The following SLC24A2 variants were observed in gnomAD, a reference collection of about 807,000 sequenced individuals.
SLC24A2 encodes the protein sodium/potassium/calcium exchanger 2.
Under a neutral mutation model 62.0 loss-of-function variants are expected in SLC24A2, and 36 were observed. The ratio of observed to expected loss-of-function variants is 0.58; its 90% CI spans 0.44 to 0.77. The LOEUF (loss-of-function observed/expected upper bound fraction) is 0.77, where lower values mean the gene tolerates loss of function less well. SLC24A2 is among the 30% of genes least tolerant of loss of function. SLC24A2 has a pLI of 0.00. For missense variants in SLC24A2, 846 were observed against 817.9 expected (o/e 1.03, Z -0.42); for synonymous variants, 358 against 294.0 (o/e 1.22, Z -2.23).
chr9:19,937,107 A>T, the SLC24A2 span, among the ~76,000 whole-genome samples: 1 of 152,192 alleles, frequency 6.6e-6, no homozygotes, highest in African/African-American at 2.4e-5. Context: ...TACCGCATTG[A>T]TTCACACATT....
chr9:20,055,818 T>C, the SLC24A2 span, among the ~76,000 whole-genome samples: 1 of 151,806 alleles, frequency 6.6e-6, no homozygotes, highest in South Asian at 2.1e-4. Context: ...GAACCCAGGA[T>C]GCGGAGGATG....
chr9:19,881,814 C>T, the SLC24A2 span, among the ~76,000 whole-genome samples: 26,177 of 152,138 alleles, frequency 0.17, 2,298 homozygotes, highest in Middle Eastern at 0.3. Context: ...CTAAGGGTGG[C>T]TTCCTCAAAA....
At chr9:19,584,556 C>G (rs1446727980) in intron 5 of SLC24A2, among the ~76,000 whole-genome samples, 4 of 152,094 alleles carry the variant, frequency 2.6e-5, no homozygotes, top group Non-Finnish European at 5.9e-5. Context: ...TTTTATTCTA[C>G]CAACTATCTT....
the SLC24A2 span, among the ~76,000 whole-genome samples, chr9:20,198,131 G>C: frequency 6.6e-6 from 1 of 152,224 alleles, no homozygotes; most frequent in Non-Finnish European, 1.5e-5. Flanking sequence ...CAGGGATTGA[G>C]GGGGTGAGAG....
At chr9:20,081,781 T>C in the SLC24A2 span, among the ~76,000 whole-genome samples, 1 of 152,156 alleles carries the variant, frequency 6.6e-6, no homozygotes, top group African/African-American at 2.4e-5. Context: ...CTGGCCTATA[T>C]TTTTCATATT....
At chr9:19,770,659 G>C (rs1272149230) in intron 2 of SLC24A2, among the ~76,000 whole-genome samples, 2 of 152,142 alleles carry the variant, frequency 1.3e-5, no homozygotes, top group African/African-American at 4.8e-5. Context: ...TAGGTAACTT[G>C]TAAAATATTG....
At chr9:20,198,938 A>G in the SLC24A2 span, among the ~76,000 whole-genome samples, 1 of 152,180 alleles carries the variant, frequency 6.6e-6, no homozygotes, top group Admixed American at 6.5e-5. Context: ...AGGGGTGTGG[A>G]TCAGGCTGTC....
chr9:20,065,524 T>C, the SLC24A2 span, among the ~76,000 whole-genome samples: 12 of 152,158 alleles, frequency 7.9e-5, no homozygotes, highest in Non-Finnish European at 1.8e-4. Flanking sequence ...TGACAAGCAC[T>C]ATTAGGTACT....
intron 2 of SLC24A2, among the ~76,000 whole-genome samples, chr9:19,630,231 C>A (rs943053850): frequency 2.6e-5 from 4 of 151,962 alleles, no homozygotes; most frequent in Non-Finnish European, 5.9e-5. Context: ...GAGAAGCTGG[C>A]AAAGACTATA....
At chr9:20,006,546 C>G in the SLC24A2 span, among the ~76,000 whole-genome samples, 3 of 151,980 alleles carry the variant, frequency 2.0e-5, no homozygotes, top group Admixed American at 6.6e-5. Context: ...GATTATTAAG[C>G]ATTGCATGCC....
the SLC24A2 span, among the ~76,000 whole-genome samples, chr9:20,191,032 T>C: frequency 6.6e-6 from 1 of 152,188 alleles, no homozygotes; most frequent in South Asian, 2.1e-4. Context: ...TCTCTAAAAC[T>C]TCAATATTTG....
the SLC24A2 span, among the ~76,000 whole-genome samples, chr9:20,230,589 T>A: frequency 2.7e-5 from 4 of 149,802 alleles, no homozygotes; most frequent in African/African-American, 9.7e-5. Context: ...TGTTTGTTTT[T>A]TTCTTGTAAA....
the SLC24A2 span, among the ~76,000 whole-genome samples, chr9:20,014,495 GATATATATAT>G: frequency 7.1e-6 from 1 of 140,704 alleles, no homozygotes; most frequent in Non-Finnish European, 1.5e-5. Context: ...AGAAAAATGT[GATATATATAT>G]ATATATATAT....
intron 8 of SLC24A2, among the ~76,000 whole-genome samples, chr9:19,545,126 C>T (rs912876480): frequency 2.6e-4 from 39 of 151,956 alleles, no homozygotes; most frequent in Middle Eastern, 3.4e-3. Context: ...TGTTTGATCC[C>T]TTTCATCCTT....
At chr9:20,078,874 A>T in the SLC24A2 span, among the ~76,000 whole-genome samples, 6 of 152,342 alleles carry the variant, frequency 3.9e-5, no homozygotes, top group East Asian at 1.2e-3. Context: ...GAAGAATTGT[A>T]TGTGCTTTCT....
intron 8 of SLC24A2, among the ~76,000 whole-genome samples, chr9:19,535,739 T>C (rs368558258): frequency 5.9e-5 from 9 of 152,192 alleles, no homozygotes; most frequent in South Asian, 4.1e-4. Context: ...AGTACCATGC[T>C]GTTTTGGTTA....
At chr9:19,697,224 A>C (rs1025332111) in intron 2 of SLC24A2, among the ~76,000 whole-genome samples, 1 of 152,210 alleles carries the variant, frequency 6.6e-6, no homozygotes, top group Non-Finnish European at 1.5e-5. Flanking sequence ...TTTTAAAAAT[A>C]TCTTTTTCTA....
At chr9:20,031,962 A>T in the SLC24A2 span, among the ~76,000 whole-genome samples, 1 of 152,256 alleles carries the variant, frequency 6.6e-6, no homozygotes, top group African/African-American at 2.4e-5. Flanking sequence ...ATATGATATC[A>T]GAGAACCTAG....
the SLC24A2 span, among the ~76,000 whole-genome samples, chr9:20,085,924 T>C: frequency 1.3e-5 from 2 of 152,204 alleles, no homozygotes. Context: ...AACCTGAATA[T>C]AGTCGAGCAA....
Sources: gnomAD v4.1 joint callset for allele counts (sites outside exome capture counted in the v4.1 genomes callset) on GRCh38, gnomAD v4.1.1 for gene constraint, MANE v1.5 for transcripts, NCBI Gene and HGNC (gene_info 2026-07-23, HGNC 2026-07-21) for gene names.